USP32: variants seen among roughly 807,000 people sequenced by gnomAD.
USP32 encodes ubiquitin carboxyl-terminal hydrolase 32.
USP32 carries 59 observed loss-of-function variants against 204.8 expected under a neutral mutation model. That is an observed-to-expected ratio of 0.29 (90% confidence interval 0.23 to 0.36). The LOEUF (loss-of-function observed/expected upper bound fraction) is 0.36, where lower values mean the gene tolerates loss of function less well. Among genes scored for constraint, USP32 ranks in the 10% least tolerant of loss-of-function variants. USP32 has a pLI of 1.00. For synonymous variants in USP32, 517 were observed against 678.4 expected (o/e 0.76, Z 3.70); for missense variants, 1,160 against 1,946.4 (o/e 0.60, Z 7.60).
intron 9 of USP32, among the ~76,000 whole-genome samples, chr17:60,260,795 ACAC>A (rs1393669099): frequency 6.6e-6 from 1 of 152,102 alleles, no homozygotes; most frequent in Non-Finnish European, 1.5e-5. Flanking sequence ...TAGAACACAC[ACAC>A]AATACATATA....
At chr17:60,292,444 C>T (rs1416374196) in intron 4 of USP32, among the ~76,000 whole-genome samples, 2 of 152,120 alleles carry the variant, frequency 1.3e-5, no homozygotes, top group African/African-American at 4.8e-5. Context: ...TGATATCCAA[C>T]CCCCTAACCT....
chr17:60,386,659 C>T (rs2146129193), intron 1 of USP32, among the ~76,000 whole-genome samples: 1 of 152,284 alleles, frequency 6.6e-6, no homozygotes, highest in South Asian at 2.1e-4. Flanking sequence ...ACTGTAAAGT[C>T]TCACTAAGCA....
chr17:60,385,394 C>T (rs961201745), intron 1 of USP32, among the ~76,000 whole-genome samples: 1 of 152,044 alleles, frequency 6.6e-6, no homozygotes, highest in Non-Finnish European at 1.5e-5. Flanking sequence ...TTCACATGGA[C>T]GCGCATGACA....
At chr17:60,223,225 A>T (rs2085300114) in intron 14 of USP32, among the ~76,000 whole-genome samples, 186 bp downstream of exon 14, 1 of 152,190 alleles carries the variant, frequency 6.6e-6, no homozygotes, top group African/African-American at 2.4e-5. Context: ...GGGTTACTAA[A>T]CTACTTCTAT....
In USP32 at chr17:60,266,024, C is replaced by T. The variant is rs371763825; in HGVS notation, c.879G>A (p.Val293=). 1 of 1,614,036 alleles carries T rather than the reference C, an allele frequency of 6.2e-7. No homozygotes were observed. Among genetic ancestry groups the T allele is most frequent in the South Asian group, 1.1e-5 (1 of 91,074 alleles). ...VLSRVELRDM[V]VALLEVWKDN... ...CCTTCCAGACTTCTAAAAGTGCAAC[C>T]ACCATGTCTCTCAGTTCAACCCTGG... Residue 293 remains valine (V), a synonymous_variant, in exon 8 of 34, where the codon GTG becomes GTA. Transcript: ENST00000300896.
chr17:60,334,679 G>A lies in USP32; in HGVS notation c.186+10802C>T, dbSNP rs1307994869. On this transcript the variant is annotated intron_variant, in intron 2 of 33. Transcript: ENST00000300896. ...TGCACTCCAGCCTGGGCAACAAAGC[G>A]AGACTCCGTCTCAAAAAAAAAGAAA... Among the ~76,000 whole-genome samples the A allele has an allele frequency of 9.1e-5, 13 of 142,420 alleles. 2 individuals carry two copies. Among genetic ancestry groups the A allele is most frequent in the African/African-American group, 3.6e-4 (12 of 33,122 alleles). 93.4% of individuals were successfully genotyped at this position (142,420 alleles called of 152,430 possible). A position where few individuals can be genotyped will look rare whatever the true frequency, so the allele number is the denominator to read the frequency against.
At chr17:60,325,317 G>C (rs917963606) in intron 2 of USP32, among the ~76,000 whole-genome samples, 5 of 152,072 alleles carry the variant, frequency 3.3e-5, no homozygotes, top group African/African-American at 4.8e-5. Flanking sequence ...GGAAGGCTGA[G>C]GTGGGAGGGA....
chr17:60,339,717 T>C (rs1296367688), intron 2 of USP32, among the ~76,000 whole-genome samples: 1 of 152,122 alleles, frequency 6.6e-6, no homozygotes, highest in Non-Finnish European at 1.5e-5. Context: ...GATAAATCTC[T>C]CTTTTGCTCT....
chr17:60,376,321 C>T (rs892247118), intron 1 of USP32, among the ~76,000 whole-genome samples: 1 of 151,612 alleles, frequency 6.6e-6, no homozygotes, highest in African/African-American at 2.4e-5. Context: ...AATCTAACCC[C>T]TTCCATGAGT....
intron 1 of USP32, among the ~76,000 whole-genome samples, chr17:60,420,622 A>G (rs2143136139): frequency 6.6e-6 from 1 of 152,318 alleles, no homozygotes; most frequent in East Asian, 1.9e-4. Flanking sequence ...AGCCGAGATC[A>G]CGCCATTGCT....
At chr17:60,203,396 C>CAA (rs554691150) in intron 26 of USP32, among the ~76,000 whole-genome samples, 2,532 of 24,360 alleles carry the variant, frequency 0.1, 438 homozygotes, top group African/African-American at 0.23. Context: ...GCGAGACTGT[C>CAA]AAAAAAAAAA....
chr17:60,343,538 C>T (rs543305537), intron 2 of USP32, among the ~76,000 whole-genome samples: 1 of 152,330 alleles, frequency 6.6e-6, no homozygotes, highest in East Asian at 1.9e-4. Context: ...GAACAACCTG[C>T]TCCTGAATGA....
At chr17:60,315,163 C>T (rs1177237377) in intron 2 of USP32, among the ~76,000 whole-genome samples, 7 of 152,230 alleles carry the variant, frequency 4.6e-5, no homozygotes, top group Non-Finnish European at 8.8e-5. Flanking sequence ...TTTGGGAGGC[C>T]GAGGTGGGCG....
rs7208627 is a variant in USP32, at chr17:60,366,740, A to C, written c.59-21132T>G. Among the ~76,000 whole-genome samples, 321 of 152,186 alleles carry C rather than the reference A, an allele frequency of 2.1e-3. 1 individual carries two copies. The highest frequency in any genetic ancestry group is 7.4e-3 in the African/African-American group (308 of 41,526). ...ACACAGCAAGACATCGTCTCAAAAA[A>C]AAGTTGGTTTTTTTTTTTTCATGCT... On this transcript the variant is annotated intron_variant, in intron 1 of 33. Transcript: ENST00000300896.
intron 5 of USP32, among the ~76,000 whole-genome samples, chr17:60,285,196 A>C (rs2087079521): frequency 6.6e-6 from 1 of 152,228 alleles, no homozygotes; most frequent in African/African-American, 2.4e-5. Flanking sequence ...CAGAATATCC[A>C]TATGAGTAAC....
intron 9 of USP32, among the ~76,000 whole-genome samples, chr17:60,260,301 A>G (rs990756066): frequency 6.6e-6 from 1 of 152,126 alleles, no homozygotes; most frequent in African/African-American, 2.4e-5. Context: ...CAGGTGGATC[A>G]CCTGAGGTCA....
At chr17:60,211,995 C>G in intron 19 of USP32, 29 bp downstream of exon 19, 1 of 1,493,338 alleles carries the variant, frequency 6.7e-7, no homozygotes, top group Non-Finnish European at 9.2e-7. Flanking sequence ...TTAAAATAAT[C>G]TCTTTAAAAA....
At chr17:60,374,363 T>C (rs938337815) in intron 1 of USP32, among the ~76,000 whole-genome samples, 1 of 151,746 alleles carries the variant, frequency 6.6e-6, no homozygotes, top group Admixed American at 6.6e-5. Flanking sequence ...AAATACCTCC[T>C]GAAGGACTTG....
At position 60,360,520 on chromosome 17, in the gene USP32, G is replaced by GT. The variant is rs1288045478; in HGVS notation, c.59-14913dup. On this transcript the variant is annotated intron_variant, in intron 1 of 33. Transcript: ENST00000300896. ...CTAAAAATACAAAAGTTAGCCAGGC[G>GT]TGGTGGCACATGCCTGTAGTCCCAG... Among the ~76,000 whole-genome samples the GT allele has an allele frequency of 2.6e-5, 4 of 151,926 alleles. No individual in the cohort carries two copies. The East Asian group carries it at 7.9e-4, about 30-fold the overall frequency.
Sources: gnomAD v4.1 joint callset for allele counts (sites outside exome capture counted in the v4.1 genomes callset) on GRCh38, gnomAD v4.1.1 for gene constraint, MANE v1.5 for transcripts, NCBI Gene and HGNC (gene_info 2026-07-23, HGNC 2026-07-21) for gene names.